The following AOX1 variants were observed in gnomAD, a reference collection of about 807,000 sequenced individuals.
AOX1 encodes aldehyde oxidase 1.
AOX1 carries 153 observed loss-of-function variants against 169.5 expected under a neutral mutation model. The ratio of observed to expected loss-of-function variants is 0.90; its 90% CI spans 0.79 to 1.03. The LOEUF is 1.03. Ranked by LOEUF, AOX1 falls within the 50% of genes least tolerant of loss-of-function variation. The pLI is 0.00. For synonymous variants in AOX1, 562 were observed against 581.9 expected (o/e 0.97, Z 0.49); for missense variants, 1,656 against 1,663.9 (o/e 1.00, Z 0.08).
At chr2:200,610,568 G>A (rs1413824154) in intron 12 of AOX1, among the ~76,000 whole-genome samples, 1 of 152,054 alleles carries the variant, frequency 6.6e-6, no homozygotes, top group Non-Finnish European at 1.5e-5. Flanking sequence ...TTCTTCAGGT[G>A]TTGGAACAAG....
intron 11 of AOX1, 46 bp from the exon 12 acceptor site, chr2:200,609,275 C>A (rs1337133373): frequency 1.9e-6 from 3 of 1,600,538 alleles, no homozygotes; most frequent in South Asian, 2.2e-5. Context: ...TTAGCACTTG[C>A]TTTTTTATGA....
At position 200,642,663 on chromosome 2, in the gene AOX1, C is replaced by T. The variant is rs773273281; in HGVS notation, c.2709C>T (p.Leu903=). 9 of 1,614,050 alleles carry T rather than the reference C, an allele frequency of 5.6e-6. 1 individual carries two copies. In the East Asian group the frequency reaches 1.3e-4, roughly 24 times the overall value. Residue 903 remains leucine, a synonymous_variant, in exon 25 of 35, where the codon CTC becomes CTT. Transcript: ENST00000374700. ...ACAATGCTTACAAGTTTCCCAATCT[C>T]CGCTGCCGGGGTTGGGCATGCAGAA... is the stretch of plus-strand genomic sequence containing the variant. ...KMDNAYKFPN[L]RCRGWACRTN... is the part of the protein sequence containing the mutation.
intron 20 of AOX1, among the ~76,000 whole-genome samples, chr2:200,630,213 A>T (rs1293820837): frequency 1.0e-4 from 5 of 48,912 alleles, no homozygotes; most frequent in Non-Finnish European, 2.0e-4. Flanking sequence ...TTCTATTTAA[A>T]AAAAAAAAAA....
chr2:200,629,902 A>T (rs2035080670), intron 20 of AOX1, among the ~76,000 whole-genome samples: 1 of 152,090 alleles, frequency 6.6e-6, no homozygotes, highest in South Asian at 2.1e-4. Flanking sequence ...TACCCCATTG[A>T]TAAGTATAAA....
chr2:200,591,337 C>T (rs1342286453), intron 1 of AOX1, among the ~76,000 whole-genome samples: 2 of 152,178 alleles, frequency 1.3e-5, no homozygotes, highest in Non-Finnish European at 2.9e-5. Context: ...AGGATGGTTA[C>T]TTTGAGATGC....
chr2:200,626,823 T>C (rs1574933578), intron 19 of AOX1, among the ~76,000 whole-genome samples: 1 of 152,346 alleles, frequency 6.6e-6, no homozygotes, highest in East Asian at 1.9e-4. Context: ...CTATATGCAA[T>C]ATAAGCTCTT....
At chr2:200,672,845 C>A (rs1197007834), downstream of AOX1, among the ~76,000 whole-genome samples, 1 of 152,088 alleles carries the variant, frequency 6.6e-6, no homozygotes, top group Non-Finnish European at 1.5e-5. Flanking sequence ...GGAGGAAGAG[C>A]ATTACTGGGG....
chr2:200,662,877 T>C lies in AOX1; in HGVS notation c.3451T>C (p.Trp1151Arg), dbSNP rs1412165662. The C allele has an allele frequency of 6.2e-7, 1 of 1,613,918 alleles. No homozygotes were observed. The highest frequency in any genetic ancestry group is 8.5e-7 in the Non-Finnish European group (1 of 1,179,936). ...YFRGYESDMN[W>R]EKGEGQPFEY... ...CAGAGGTTATGAGTCAGACATGAAC[T>C]GGGAGAAAGGCGAAGGCCAGCCCTT... The change falls in exon 31 of 35, where the codon TGG (tryptophan) becomes CGG (arginine). Residue 1151 changes from tryptophan to arginine, a missense_variant. Transcript: ENST00000374700.
At chr2:200,615,668 T>C (rs1279135593) in intron 15 of AOX1, among the ~76,000 whole-genome samples, 1 of 152,254 alleles carries the variant, frequency 6.6e-6, no homozygotes, top group African/African-American at 2.4e-5. Flanking sequence ...AGTTTGTAAG[T>C]CCTCATATCA....
rs572281638 is a variant in AOX1 at position 200,619,411 on chromosome 2, C to A, written c.1705-1239C>A. On this transcript the variant is annotated intron_variant, in intron 16 of 34. Transcript: ENST00000374700. ...CAGAGAAAGCCTCTGGGAGTCTGGC[C>A]TCAGTCCCAGTACCGAGTGCAATGT... is the stretch of plus-strand genomic sequence containing the variant. 5.5e-4 allele frequency among the ~76,000 whole-genome samples: 84 copies of A among 152,280 alleles called. 1 individual carries two copies. The highest frequency in any genetic ancestry group is 2.0e-3 in the African/African-American group (82 of 41,562).
downstream of AOX1, among the ~76,000 whole-genome samples, chr2:200,673,799 C>T (rs2036059383): frequency 6.6e-6 from 1 of 152,186 alleles, no homozygotes; most frequent in African/African-American, 2.4e-5. Flanking sequence ...GTCTCTCCAG[C>T]GTTGGCTCAT....
chr2:200,589,872 C>G (rs1278135672), intron 1 of AOX1, among the ~76,000 whole-genome samples: 1 of 152,158 alleles, frequency 6.6e-6, no homozygotes, highest in Non-Finnish European at 1.5e-5. Context: ...GAGGAAATTT[C>G]TGGGCTTCTG....
chr2:200,621,059 A>G lies in AOX1; in HGVS notation c.1875-61A>G, dbSNP rs2034876382. 28 of 1,546,400 alleles carry G rather than the reference A, an allele frequency of 1.8e-5. 1 individual carries two copies. The South Asian group carries it at 3.4e-4, about 19-fold the overall frequency. The stretch of plus-strand genomic sequence containing the variant: ...TACCTCTCTCATATCTTATTATCCA[A>G]TTAACCATGTTCTTGGCCTCTATGG... On this transcript the variant is annotated intron_variant, in intron 17 of 34. Transcript: ENST00000374700.
At chr2:200,603,759 C>G (rs566602369) in intron 7 of AOX1, among the ~76,000 whole-genome samples, 1 of 152,282 alleles carries the variant, frequency 6.6e-6, no homozygotes, top group Non-Finnish European at 1.5e-5. Flanking sequence ...CTGCTGCCTC[C>G]TCTTCTACTG....
At chr2:200,604,913 G>T in intron 9 of AOX1, 73 bp downstream of exon 9, 1 of 1,296,056 alleles carries the variant, frequency 7.7e-7, no homozygotes, top group Non-Finnish European at 1.1e-6. Flanking sequence ...GGGTGGGCTG[G>T]GGAAACTTCA....
At chr2:200,632,358 A>G (rs2035144454) in intron 20 of AOX1, among the ~76,000 whole-genome samples, 2 of 151,120 alleles carry the variant, frequency 1.3e-5, no homozygotes, top group Admixed American at 1.3e-4. Context: ...ATTTACATAT[A>G]TAAAATATCA....
At chr2:200,604,239 A>T in intron 8 of AOX1, 142 bp downstream of exon 8, 1 of 666,062 alleles carries the variant, frequency 1.5e-6, no homozygotes, top group South Asian at 1.9e-5. Context: ...TCTAAAGAGT[A>T]TGGACTAAGG....
chr2:200,666,025 G>A lies in AOX1; in HGVS notation c.3544-662G>A, dbSNP rs1475373632. Among the ~76,000 whole-genome samples the A allele has an allele frequency of 1.3e-5, 2 of 152,178 alleles. 1 individual carries two copies. Among genetic ancestry groups the A allele is most frequent in the Non-Finnish European group, 2.9e-5 (2 of 68,044 alleles). Reference sequence around the variant, plus strand: ...CAATTAGTAATTATAAGAACAATCTGTTAGTCATGGCAGAGACCATTATAT... The same window carrying A: ...CAATTAGTAATTATAAGAACAATCTATTAGTCATGGCAGAGACCATTATAT... On this transcript the variant is annotated intron_variant, in intron 31 of 34. Transcript: ENST00000374700.
Position 200,627,466 on chromosome 2 carries a change from G to C in AOX1, c.2221+17G>C. On this transcript the variant is annotated intron_variant, in intron 20 of 34. Transcript: ENST00000374700. Reference sequence around the variant, plus strand: ...TTCTTGAAGGTAAAAAGTAATGGAAGAGTAAACAACCCTGGAAGTCTTCTA... The same window carrying C: ...TTCTTGAAGGTAAAAAGTAATGGAACAGTAAACAACCCTGGAAGTCTTCTA... 1 of 1,556,012 alleles carries C rather than the reference G, an allele frequency of 6.4e-7. No individual in the cohort carries two copies. The highest frequency in any genetic ancestry group is 1.1e-5 in the South Asian group (1 of 89,804).
Sources: gnomAD v4.1 joint callset for allele counts (sites outside exome capture counted in the v4.1 genomes callset) on GRCh38, gnomAD v4.1.1 for gene constraint, MANE v1.5 for transcripts, NCBI Gene and HGNC (gene_info 2026-07-23, HGNC 2026-07-21) for gene names.